Variants in TRIM24 observed in about 807,000 individuals in gnomAD.
The protein encoded by TRIM24 is tripartite motif containing 24.
TRIM24 carries 29 observed loss-of-function variants against 123.9 expected under a neutral mutation model. That is an observed-to-expected ratio of 0.23 (90% confidence interval 0.17 to 0.32). The LOEUF (loss-of-function observed/expected upper bound fraction) is 0.32, where lower values mean the gene tolerates loss of function less well. TRIM24 is among the 10% of genes least tolerant of loss of function. TRIM24 has a pLI of 1.00. For synonymous variants in TRIM24, 456 were observed against 461.1 expected, an observed-to-expected ratio of 0.99 and a Z score of 0.14; for missense variants, 932 against 1,295.3, an observed-to-expected ratio of 0.72 and a Z score of 4.31.
chr7:138,491,840 T>C (rs1795791162), intron 1 of TRIM24, among the ~76,000 whole-genome samples: 1 of 152,222 alleles, frequency 6.6e-6, no homozygotes, highest in Admixed American at 6.5e-5. Context: ...ATTTATTTAA[T>C]TTTTTGGATG....
intron 15 of TRIM24, 112 bp from the exon 16 acceptor site, chr7:138,580,450 A>G (rs1797869002): frequency 3.8e-5 from 51 of 1,359,674 alleles, no homozygotes; most frequent in Non-Finnish European, 5.0e-5. Context: ...ATTAAAATTC[A>G]TGCCAAATGA....
intron 1 of TRIM24, among the ~76,000 whole-genome samples, chr7:138,497,999 G>C (rs374193517): frequency 7.9e-5 from 12 of 151,440 alleles, no homozygotes; most frequent in African/African-American, 2.9e-4. Context: ...GACCCTGTGT[G>C]GTTTTTTTAT....
chr7:138,536,330 TC>T (rs1796872916), intron 6 of TRIM24, among the ~76,000 whole-genome samples: 1 of 152,240 alleles, frequency 6.6e-6, no homozygotes, highest in African/African-American at 2.4e-5. Context: ...CTCTGTTTTT[TC>T]CCCATCTTTG....
Position 138,541,833 on chromosome 7 carries a change from G to C in TRIM24, c.1143+3030G>C, listed in dbSNP as rs1797011029. Among the ~76,000 whole-genome samples, 4 of 152,180 alleles carry C rather than the reference G, an allele frequency of 2.6e-5. No homozygotes were observed. The South Asian group carries it at 8.3e-4, about 31-fold the overall frequency. On this transcript the variant is annotated intron_variant, in intron 7 of 18. Coordinates refer to ENST00000343526, the MANE Select transcript of TRIM24 (RefSeq NM_015905.3). ...CTTAGCTGTATCTTTTGATTAACTT[G>C]CTGCAGCTTCTACATTAGCACTTGG...
At position 138,585,987 on chromosome 7, in the gene TRIM24, G is replaced by T. The variant is rs933457096; in HGVS notation, c.*1036G>T. ...GATTTTGGGAGCAGGCAGCTGGGGG[G>T]AATTAATAGTGATTTTTTTTTTTTC... On this transcript the variant is annotated 3_prime_UTR_variant, in exon 19 of 19. Transcript: ENST00000343526. 4 of 460,714 alleles carry T rather than the reference G, an allele frequency of 8.7e-6. No individual in the cohort carries two copies. The highest frequency in any genetic ancestry group is 1.7e-5 in the Non-Finnish European group (4 of 231,890). 28.5% of individuals were successfully genotyped at this position (460,714 alleles called of 1,614,324 possible).
Position 138,504,444 on chromosome 7 carries a change from G to GTTTTTTTTTTTTTTTTTTTTTTT in TRIM24, c.483+36_483+37insTTTTTTTTTTTTTTTTTTTTTTT, listed in dbSNP as rs1563036659. On this transcript the variant is annotated intron_variant, in intron 2 of 18. Transcript: ENST00000343526. ...TACATCTTGAACCTTTTGCCTGCCA[G>GTTTTTTTTTTTTTTTTTTTTTTT]CTCTTTTTTTTTTTTTTTTTTTTTT... is the stretch of plus-strand genomic sequence containing the variant. 9.9e-6 allele frequency: 6 copies of GTTTTTTTTTTTTTTTTTTTTTTT among 603,602 alleles called. 1 individual carries two copies. The highest frequency in any genetic ancestry group is 7.3e-5 in the Admixed American group (2 of 27,356). The allele number at this position is 603,602 out of a possible 1,614,324, so 37.4% of individuals were successfully genotyped here.
chr7:138,517,239 C>T (rs2116560466), intron 3 of TRIM24, among the ~76,000 whole-genome samples: 1 of 151,958 alleles, frequency 6.6e-6, no homozygotes, highest in East Asian at 1.9e-4. Flanking sequence ...ATTCTGAATT[C>T]TATATGTTTA....
intron 2 of TRIM24, among the ~76,000 whole-genome samples, chr7:138,511,664 A>AC (rs1796291505): frequency 6.6e-6 from 1 of 151,734 alleles, no homozygotes; most frequent in Admixed American, 6.6e-5. Flanking sequence ...GAGGATATCC[A>AC]CCCCCATGAT....
At chr7:138,574,279 G>GACAT (rs1226084517) in intron 12 of TRIM24, among the ~76,000 whole-genome samples, 4 of 152,142 alleles carry the variant, frequency 2.6e-5, no homozygotes, top group Admixed American at 6.6e-5. Context: ...TGTGAATCTT[G>GACAT]ACATACCTAC....
intron 3 of TRIM24, among the ~76,000 whole-genome samples, chr7:138,517,672 T>A (rs1796429089): frequency 6.6e-6 from 1 of 152,144 alleles, no homozygotes; most frequent in African/African-American, 2.4e-5. Flanking sequence ...CCACGCCTGG[T>A]ATAGGCCAGC....
chr7:138,474,358 C>T (rs936271410), intron 1 of TRIM24, among the ~76,000 whole-genome samples: 1 of 151,934 alleles, frequency 6.6e-6, no homozygotes, highest in African/African-American at 2.4e-5. Flanking sequence ...ATCTCCTGAC[C>T]TCGTGATCTA....
intron 3 of TRIM24, 103 bp downstream of exon 3, chr7:138,515,462 A>T: frequency 7.4e-7 from 1 of 1,353,120 alleles, no homozygotes; most frequent in Non-Finnish European, 1.0e-6. Flanking sequence ...TAAGTATTAA[A>T]TATACTGTTT....
chr7:138,502,033 T>A (rs2116522747), intron 1 of TRIM24, among the ~76,000 whole-genome samples: 1 of 152,352 alleles, frequency 6.6e-6, no homozygotes, highest in African/African-American at 2.4e-5. Flanking sequence ...GGTAGAGATG[T>A]AAATTTAGGA....
At chr7:138,503,002 A>G (rs1434037838) in intron 1 of TRIM24, among the ~76,000 whole-genome samples, 1 of 151,694 alleles carries the variant, frequency 6.6e-6, no homozygotes, top group Non-Finnish European at 1.5e-5. Context: ...TAATCTACTT[A>G]AAGTAGTTTT....
intron 1 of TRIM24, among the ~76,000 whole-genome samples, chr7:138,492,273 C>A (rs1289161487): frequency 8.3e-5 from 5 of 60,012 alleles, no homozygotes; most frequent in Non-Finnish European, 1.1e-4. Flanking sequence ...ACTCTGTCTC[C>A]AAAAAAAAAA....
At chr7:138,551,794 A>G (rs1447411096) in intron 8 of TRIM24, among the ~76,000 whole-genome samples, 2 of 152,172 alleles carry the variant, frequency 1.3e-5, no homozygotes, top group Non-Finnish European at 1.5e-5. Context: ...TTAAACTACT[A>G]TATTTTTATT....
chr7:138,557,254 G>A (rs531485774), intron 9 of TRIM24, among the ~76,000 whole-genome samples: 1 of 152,270 alleles, frequency 6.6e-6, no homozygotes, highest in East Asian at 1.9e-4. Flanking sequence ...GCTAAGTACA[G>A]GAAAACTTGT....
chr7:138,466,042 C>T (rs767692955), intron 1 of TRIM24, among the ~76,000 whole-genome samples: 38 of 152,198 alleles, frequency 2.5e-4, no homozygotes, highest in African/African-American at 8.4e-4. Context: ...CTCACTCTGT[C>T]GCCCAGGCTG....
chr7:138,504,533 G>A lies in TRIM24; in HGVS notation c.483+125G>A, dbSNP rs138180573. On this transcript the variant is annotated intron_variant, in intron 2 of 18. Coordinates refer to ENST00000343526, the MANE Select transcript of TRIM24 (RefSeq NM_015905.3). ...GGAGTTCACAAGTGGCGCAATCTCCGTTCACTGCAAGCTCCTCCCCACAGG... is the reference window on the plus strand; with the variant it reads ...GGAGTTCACAAGTGGCGCAATCTCCATTCACTGCAAGCTCCTCCCCACAGG... 1.2e-3 allele frequency: 615 copies of A among 531,694 alleles called. 2 individuals carry two copies. Among genetic ancestry groups the A allele is most frequent in the African/African-American group, 0.011 (494 of 44,712 alleles). The allele number at this position is 531,694 out of a possible 1,614,324, so 32.9% of individuals were successfully genotyped here. A position where few individuals can be genotyped will look rare whatever the true frequency, so the allele number is the denominator to read the frequency against.
Sources: allele counts gnomAD v4.1 joint callset (sites outside exome capture counted in the v4.1 genomes callset), GRCh38; gene constraint gnomAD v4.1.1; transcripts MANE v1.5; gene names NCBI Gene and HGNC (gene_info 2026-07-23, HGNC 2026-07-21).